Variants in MCF2L2 observed in about 807,000 individuals in gnomAD.
MCF2L2 encodes the protein probable guanine nucleotide exchange factor MCF2L2.
Under a neutral mutation model 150.2 loss-of-function variants are expected in MCF2L2, and 102 were observed. The observed-to-expected ratio is 0.68, with a 90% CI of 0.58 to 0.80. MCF2L2 has a LOEUF of 0.80. Among genes scored for constraint, MCF2L2 ranks in the 30% least tolerant of loss-of-function variants. MCF2L2 has a pLI of 0.00. For missense variants in MCF2L2, 1,256 were observed against 1,372.8 expected (o/e 0.91, Z 1.34); for synonymous variants, 465 against 491.3 (o/e 0.95, Z 0.71).
intron 3 of MCF2L2, among the ~76,000 whole-genome samples, chr3:183,358,974 G>A (rs1467349546): frequency 6.6e-6 from 1 of 150,716 alleles, no homozygotes; most frequent in Admixed American, 6.6e-5. Flanking sequence ...AGCATCTGCT[G>A]ATCATGAAGC....
At position 183,181,715 on chromosome 3, in the gene MCF2L2, G is replaced by GGCTGT. The variant is rs749194625; in HGVS notation, c.3017-1561_3017-1557dup. Among the ~76,000 whole-genome samples the GGCTGT allele has an allele frequency of 6.6e-6, 1 of 152,068 alleles. No homozygotes were observed. On this transcript the variant is annotated intron_variant, in intron 27 of 29. Transcript: ENST00000328913. This position sits in a 1 kb window ranked among gnomAD's most constrained non-coding sequence, Gnocchi z 4.3. Reference sequence around the variant, plus strand: ...GACCATCCCCTGCATGAATAGGAAGGGCTGTGTCTCCAGGGTCCATGGCCT... The same window carrying GGCTGT: ...GACCATCCCCTGCATGAATAGGAAGGGCTGTGCTGTGTCTCCAGGGTCCATGGCCT...
chr3:183,401,900 G>A (rs1265789509), intron 1 of MCF2L2, among the ~76,000 whole-genome samples: 1 of 152,138 alleles, frequency 6.6e-6, no homozygotes, highest in Non-Finnish European at 1.5e-5. Flanking sequence ...TTCATGTAAA[G>A]GCCTGTGTGT....
intron 11 of MCF2L2, 124 bp from the exon 12 acceptor site, chr3:183,297,291 G>A (rs779872520): frequency 1.2e-6 from 1 of 866,594 alleles, no homozygotes; most frequent in Non-Finnish European, 1.8e-6. Context: ...AAATTGTCAT[G>A]GGACGGCATC....
chr3:183,252,433 A>G (rs1342317000), intron 15 of MCF2L2, among the ~76,000 whole-genome samples: 1 of 152,254 alleles, frequency 6.6e-6, no homozygotes, highest in Non-Finnish European at 1.5e-5. Flanking sequence ...TGCATGATTT[A>G]AAAGATGCTG....
intron 1 of MCF2L2, among the ~76,000 whole-genome samples, chr3:183,415,337 C>T (rs914858456): frequency 3.3e-5 from 5 of 152,116 alleles, no homozygotes; most frequent in Non-Finnish European, 7.4e-5. Flanking sequence ...CAGGTGCCCG[C>T]CACCACACCT....
At position 183,193,014 on chromosome 3, in the gene MCF2L2, T is replaced by G. The variant is rs1474906446; in HGVS notation, c.3001A>C (p.Thr1001Pro). ...CCCTCCCTACCTTTAATCCCTCCTGTGCTGGAGGCCGGGTCTTCCTTGCTA... is the reference window on the plus strand; with the variant it reads ...CCCTCCCTACCTTTAATCCCTCCTGGGCTGGAGGCCGGGTCTTCCTTGCTA... ...TTSKEDPASSTGGIKGCSSRE... is the reference protein window; with the variant it reads ...TTSKEDPASSPGGIKGCSSRE... The change falls in exon 27 of 30, where the codon ACA (threonine) becomes CCA (proline). Residue 1001 changes from threonine (T) to proline (P), a missense_variant. Physicochemically the swap from Thr to Pro is conservative, Grantham distance 38. Coordinates refer to ENST00000328913, the MANE Select transcript of MCF2L2 (RefSeq NM_015078.4). 3.1e-6 allele frequency: 5 copies of G among 1,614,080 alleles called. No individual in the cohort carries two copies. The Admixed American group carries it at 8.3e-5, about 27-fold the overall frequency.
At chr3:183,186,358 A>G (rs1043105474) in intron 27 of MCF2L2, among the ~76,000 whole-genome samples, 17 of 152,152 alleles carry the variant, frequency 1.1e-4, no homozygotes, top group African/African-American at 4.1e-4. Context: ...AGCTCAAGCA[A>G]TCCTTTCACC....
chr3:183,205,993 G>A (rs753598146), intron 24 of MCF2L2, 39 bp from the exon 25 acceptor site: 9 of 1,578,564 alleles, frequency 5.7e-6, no homozygotes, highest in African/African-American at 5.4e-5. Context: ...AGACTACCAT[G>A]AGTATTAATT....
intron 3 of MCF2L2, among the ~76,000 whole-genome samples, chr3:183,348,540 A>G (rs117983351): frequency 0.014 from 2,138 of 152,266 alleles, 56 homozygotes; most frequent in East Asian, 0.1. Flanking sequence ...CATTCTGCAC[A>G]TGTATCCCAA....
At chr3:183,328,316 AAGG>A (rs2108526713) in intron 5 of MCF2L2, among the ~76,000 whole-genome samples, 1 of 152,280 alleles carries the variant, frequency 6.6e-6, no homozygotes, top group South Asian at 2.1e-4. Context: ...TATAGAACCC[AAGG>A]AGGAGGCTGT....
rs2108692256 is a variant in MCF2L2, at chr3:183,249,437, CCACT to C, written c.1863-18424_1863-18421del. ...TCCCTGTCCCTGTCCCTGAGAGGCC[CCACT>C]GAGTGTCAGATGGCACATAAGAGAT... On this transcript the variant is annotated intron_variant, in intron 15 of 29. Transcript: ENST00000328913. Among the ~76,000 whole-genome samples the C allele has an allele frequency of 1.3e-5, 2 of 152,336 alleles. 1 individual carries two copies. The highest frequency in any genetic ancestry group is 4.1e-4 in the South Asian group (2 of 4,834).
chr3:183,189,411 G>A (rs781335276), intron 27 of MCF2L2, among the ~76,000 whole-genome samples: 44 of 152,240 alleles, frequency 2.9e-4, no homozygotes, highest in Non-Finnish European at 5.0e-4. Flanking sequence ...GGTTCAGGAA[G>A]GGAGGTGGGG....
Position 183,179,934 on chromosome 3 carries a change from T to C in MCF2L2, c.3105+137A>G. The C allele has an allele frequency of 2.5e-6, 2 of 798,928 alleles. No homozygotes were observed. The highest frequency in any genetic ancestry group is 4.2e-6 in the Non-Finnish European group (2 of 472,554). 49.5% of individuals were successfully genotyped at this position (798,928 alleles called of 1,614,324 possible). A position where few individuals can be genotyped will look rare whatever the true frequency, so the allele number is the denominator to read the frequency against. On this transcript the variant is annotated intron_variant, in intron 28 of 29. Coordinates refer to ENST00000328913, the MANE Select transcript of MCF2L2 (RefSeq NM_015078.4). This position sits in a 1 kb window ranked among gnomAD's most constrained non-coding sequence, Gnocchi z 4.2. ...AGTTTGAGGGTCTGGTGACCTCGGC[T>C]CCCTGGCTTAACCAGGTCCTTATGG...
chr3:183,259,613 G>C (rs1725401788), intron 15 of MCF2L2, among the ~76,000 whole-genome samples: 1 of 152,102 alleles, frequency 6.6e-6, no homozygotes, highest in African/African-American at 2.4e-5. Context: ...GTCTGTGTCT[G>C]ACTCCTCGCC....
intron 14 of MCF2L2, among the ~76,000 whole-genome samples, chr3:183,279,455 T>C (rs952072975): frequency 6.6e-6 from 1 of 152,216 alleles, no homozygotes; most frequent in Admixed American, 6.5e-5. Context: ...ATGAGCTCCA[T>C]TGAATGATAA....
intron 1 of MCF2L2, among the ~76,000 whole-genome samples, chr3:183,422,444 T>C (rs905623464): frequency 6.6e-6 from 1 of 152,188 alleles, no homozygotes; most frequent in African/African-American, 2.4e-5. Flanking sequence ...CTCCATTTCA[T>C]GAGGGAGCTG....
chr3:183,220,141 C>T (rs559233699), intron 20 of MCF2L2, among the ~76,000 whole-genome samples: 150 of 152,334 alleles, frequency 9.8e-4, no homozygotes, highest in Non-Finnish European at 1.7e-3. Context: ...TTGTAGACTA[C>T]TTTTTCTCAT....
chr3:183,328,983 A>G lies in MCF2L2; in HGVS notation c.487-5632T>C, dbSNP rs1250831488. On this transcript the variant is annotated intron_variant, in intron 5 of 29. Transcript: ENST00000328913. ...CAAATTAAAACCACAGTGAGATACC[A>G]CAACATGCCTATTAAATGACTAATT... is the stretch of plus-strand genomic sequence containing the variant. Among the ~76,000 whole-genome samples the G allele has an allele frequency of 2.0e-5, 3 of 152,234 alleles. No homozygotes were observed. The East Asian group carries it at 5.8e-4, about 29-fold the overall frequency.
chr3:183,228,177 G>A, intron 18 of MCF2L2, 120 bp downstream of exon 18: 1 of 693,646 alleles, frequency 1.4e-6, no homozygotes, highest in Non-Finnish European at 2.6e-6. Context: ...AGTAAAGCTT[G>A]GAGTCGGAGG....
Sources: allele counts gnomAD v4.1 joint callset (sites outside exome capture counted in the v4.1 genomes callset), GRCh38; gene constraint gnomAD v4.1.1; non-coding constraint Gnocchi (gnomAD v3.1); transcripts MANE v1.5; gene names NCBI Gene and HGNC (gene_info 2026-07-23, HGNC 2026-07-21).